Variants in SLC26A5 observed in about 807,000 individuals in gnomAD.
The protein encoded by SLC26A5 is prestin.
Under a neutral mutation model 81.0 loss-of-function variants are expected in SLC26A5, and 51 were observed. The ratio of observed to expected loss-of-function variants is 0.63; its 90% CI spans 0.50 to 0.80. The LOEUF (loss-of-function observed/expected upper bound fraction) is 0.80. Among genes scored for constraint, SLC26A5 ranks in the 30% least tolerant of loss-of-function variants. SLC26A5 has a pLI of 0.00. For synonymous variants in SLC26A5, 325 were observed against 332.8 expected (o/e 0.98, Z 0.25); for missense variants, 771 against 905.8 (o/e 0.85, Z 1.91).
intron 1 of SLC26A5, chr7:103,445,815 GAAGT>G (rs1480277752): frequency 6.5e-6 from 1 of 153,062 alleles, no homozygotes; most frequent in Non-Finnish European, 1.5e-5. Flanking sequence ...AGGCAAACGG[GAAGT>G]AAAAATGCTG....
At chr7:103,434,599 T>C (rs1021141489) in intron 2 of SLC26A5, among the ~76,000 whole-genome samples, 4 of 152,108 alleles carry the variant, frequency 2.6e-5, no homozygotes, top group African/African-American at 9.7e-5. Context: ...TTCTAGCATA[T>C]TCTTTCTTTC....
chr7:103,442,896 C>T (rs1826981779), intron 2 of SLC26A5, among the ~76,000 whole-genome samples, 187 bp downstream of exon 2: 1 of 152,208 alleles, frequency 6.6e-6, no homozygotes, highest in Non-Finnish European at 1.5e-5. Context: ...TAGGCTGATC[C>T]TGATCCAAGT....
intron 19 of SLC26A5, chr7:103,368,138 A>T: frequency 8.2e-7 from 1 of 1,217,550 alleles, no homozygotes; most frequent in East Asian, 2.5e-5. Context: ...TAAACAAATA[A>T]ATGGCTTCAA....
intron 19 of SLC26A5, among the ~76,000 whole-genome samples, chr7:103,364,701 C>T (rs1419992840): frequency 1.3e-5 from 2 of 152,042 alleles, no homozygotes; most frequent in Admixed American, 6.6e-5. Flanking sequence ...AACCACCACG[C>T]CCGGCCTGAG....
At chr7:103,359,986 C>G (rs1265144942) in intron 19 of SLC26A5, among the ~76,000 whole-genome samples, 2 of 151,506 alleles carry the variant, frequency 1.3e-5, no homozygotes, top group Non-Finnish European at 2.9e-5. Flanking sequence ...GAGGCTGACG[C>G]AGGAGAATTG....
Position 103,421,574 on chromosome 7 carries a change from G to A in SLC26A5, c.-53-7C>T. ...AAGCATTTCCTGAGTGTCACTAGGG[G>A]AAAAAAGAAAAACTCCATTTTACTT... On this transcript the variant is annotated splice_polypyrimidine_tract_variant and splice_region_variant and intron_variant, in intron 2 of 19. Transcript: ENST00000306312. 1 of 1,563,276 alleles carries A rather than the reference G, an allele frequency of 6.4e-7. No homozygotes were observed. Among genetic ancestry groups the A allele is most frequent in the Non-Finnish European group, 8.8e-7 (1 of 1,138,282 alleles).
intron 19 of SLC26A5, chr7:103,353,781 T>G (rs930612313): frequency 5.6e-6 from 4 of 710,664 alleles, no homozygotes; most frequent in African/African-American, 1.8e-5. Flanking sequence ...TGATTGAATA[T>G]GTATCATCAT....
chr7:103,378,386 A>C, intron 17 of SLC26A5, 60 bp downstream of exon 17: 1 of 1,503,876 alleles, frequency 6.6e-7, no homozygotes, highest in South Asian at 1.1e-5. Flanking sequence ...GTCATGAGTA[A>C]AGATGGAGGG....
chr7:103,386,506 T>C (rs142614182), intron 14 of SLC26A5, among the ~76,000 whole-genome samples: 3,020 of 151,676 alleles, frequency 0.02, 115 homozygotes, highest in African/African-American at 0.068. Context: ...GAGGTTGCAG[T>C]GAGCCGAGAT....
At chr7:103,365,950 C>T (rs1820697729) in intron 19 of SLC26A5, 6 of 741,908 alleles carry the variant, frequency 8.1e-6, no homozygotes, top group African/African-American at 3.6e-5. Flanking sequence ...AAATAAAAAA[C>T]GTTTAGGTAA....
At chr7:103,424,283 T>C (rs1825565698) in intron 2 of SLC26A5, among the ~76,000 whole-genome samples, 1 of 152,178 alleles carries the variant, frequency 6.6e-6, no homozygotes, top group African/African-American at 2.4e-5. Flanking sequence ...AATGGGCCTA[T>C]GCATGTTACT....
At chr7:103,401,333 T>C (rs373541760) in intron 8 of SLC26A5, among the ~76,000 whole-genome samples, 2 of 152,178 alleles carry the variant, frequency 1.3e-5, no homozygotes, top group Non-Finnish European at 2.9e-5. Flanking sequence ...TTTGGAGCAA[T>C]TGTGAATGGG....
At chr7:103,389,290 C>T in intron 13 of SLC26A5, 39 bp downstream of exon 13, 4 of 1,442,940 alleles carry the variant, frequency 2.8e-6, no homozygotes, top group Non-Finnish European at 3.9e-6. Context: ...CATATCTGCT[C>T]TATGACATAT....
intron 19 of SLC26A5, among the ~76,000 whole-genome samples, chr7:103,359,170 T>TTA (rs71110833): frequency 1.9e-4 from 25 of 129,946 alleles, no homozygotes; most frequent in East Asian, 8.9e-4. Flanking sequence ...TTTTTTTTTT[T>TTA]AATTTTTAGT....
At chr7:103,433,117 G>A (rs1402075440) in intron 2 of SLC26A5, among the ~76,000 whole-genome samples, 2 of 152,108 alleles carry the variant, frequency 1.3e-5, no homozygotes, top group African/African-American at 4.8e-5. Flanking sequence ...TAGAGCTCCA[G>A]GCTTATCCAG....
intron 4 of SLC26A5, among the ~76,000 whole-genome samples, chr7:103,415,090 A>C (rs1319370361): frequency 2.6e-5 from 4 of 152,198 alleles, no homozygotes; most frequent in Non-Finnish European, 5.9e-5. Context: ...GGCTCAGCCA[A>C]ATTTCTGGGA....
At chr7:103,429,898 T>C (rs1825945122) in intron 2 of SLC26A5, among the ~76,000 whole-genome samples, 1 of 152,216 alleles carries the variant, frequency 6.6e-6, no homozygotes, top group Non-Finnish European at 1.5e-5. Flanking sequence ...TCTTCTTTTA[T>C]ATTAGGTTGG....
chr7:103,413,258 A>G, intron 4 of SLC26A5, 146 bp from the exon 5 acceptor site: 1 of 683,280 alleles, frequency 1.5e-6, no homozygotes, highest in East Asian at 2.7e-5. Flanking sequence ...AGTCCTGCAC[A>G]TCATCTTACC....
chr7:103,417,368 CAA>C (rs527355678), intron 4 of SLC26A5, among the ~76,000 whole-genome samples: 35 of 65,818 alleles, frequency 5.3e-4, no homozygotes, highest in African/African-American at 8.9e-4. Flanking sequence ...GACTCTGTCT[CAA>C]AAAAAAAAAA....
Sources: gnomAD v4.1 joint callset for allele counts (sites outside exome capture counted in the v4.1 genomes callset) on GRCh38, gnomAD v4.1.1 for gene constraint, MANE v1.5 for transcripts, NCBI Gene and HGNC (gene_info 2026-07-23, HGNC 2026-07-21) for gene names.